The following RPS7 variants were observed in gnomAD, a reference collection of about 807,000 sequenced individuals.
RPS7 encodes ribosomal protein S7.
Under a neutral mutation model 22.1 loss-of-function variants are expected in RPS7, and 1 was observed. The observed-to-expected ratio is 0.05, with a 90% confidence interval of 0.02 to 0.21. RPS7 has a LOEUF of 0.21. Among genes scored for constraint, RPS7 ranks in the 10% least tolerant of loss-of-function variants. The pLI, the probability that RPS7 is intolerant of heterozygous loss-of-function variation, is 1.00. For missense variants in RPS7, 137 were observed against 246.4 expected (o/e 0.56, Z 2.97); for synonymous variants, 80 against 92.0 (o/e 0.87, Z 0.74).
chr2:3,579,147 A>G (rs1188072242), intron 5 of RPS7: 1 of 152,264 alleles, frequency 6.6e-6, no homozygotes, highest in African/African-American at 2.4e-5. Context: ...AAAAGATTGT[A>G]GATGACATTG....
chr2:3,577,932 C>T, intron 5 of RPS7, 158 bp downstream of exon 5: 2 of 628,990 alleles, frequency 3.2e-6, no homozygotes, highest in Non-Finnish European at 2.9e-6. Context: ...TTTTAGAATT[C>T]TAGATGTAAA....
At position 3,580,789 on chromosome 2, in the gene RPS7, C is replaced by G. The variant is rs539208774; in HGVS notation, c.508-16C>G. ...GTATTTCAAAGTTCTGTGATGAATT[C>G]TTTCTTTTCTTGTAGGTTGAAACTT... On this transcript the variant is annotated splice_polypyrimidine_tract_variant and intron_variant, in intron 6 of 6. Transcript: ENST00000645674. 6.6e-7 allele frequency: 1 copy of G among 1,516,918 alleles called. No homozygotes were observed. The highest frequency in any genetic ancestry group is 1.1e-5 in the South Asian group (1 of 89,098). The allele number at this position is 1,516,918 out of a possible 1,614,324, so 94.0% of individuals were successfully genotyped here.
intron 6 of RPS7, chr2:3,580,485 C>T (rs1256202248): frequency 1.5e-6 from 1 of 651,006 alleles, no homozygotes; most frequent in Non-Finnish European, 2.8e-6. Flanking sequence ...GAAGTAGACT[C>T]TTTCTGTGGT....
rs943927262 is a variant in RPS7, at chr2:3,575,354, G to C, written c.-19+4G>C. ...TCCTAAGCCGGCGCTCGGCAAGGTA[G>C]GTTGGCGGCCTGCTCTCCGACAGAA... On this transcript the variant is annotated splice_donor_region_variant and intron_variant, in intron 1 of 6. Coordinates refer to ENST00000645674, the MANE Select transcript of RPS7 (RefSeq NM_001011.4). 9.2e-6 allele frequency: 5 copies of C among 544,700 alleles called. No homozygotes were observed. Among genetic ancestry groups the C allele is most frequent in the Non-Finnish European group, 1.6e-5 (5 of 308,062 alleles). The allele number at this position is 544,700 out of a possible 1,614,324, so 33.7% of individuals were successfully genotyped here.
At position 3,576,332 on chromosome 2, in the gene RPS7, C is replaced by T. The variant is rs564734729; in HGVS notation, c.148-155C>T. ...TGTGAAGGTTGGAGAGAGATGAGAA[C>T]ATTTCCGAAGGATGCATTTATGATT... On this transcript the variant is annotated intron_variant, in intron 3 of 6. Coordinates refer to ENST00000645674, the MANE Select transcript of RPS7 (RefSeq NM_001011.4). 5.4e-5 allele frequency: 41 copies of T among 754,780 alleles called. No individual in the cohort carries two copies. The East Asian group carries it at 9.8e-4, about 18-fold the overall frequency. The allele number at this position is 754,780 out of a possible 1,614,324, so 46.8% of individuals were successfully genotyped here.
intron 1 of RPS7, 91 bp from the exon 2 acceptor site, chr2:3,575,501 C>T: frequency 1.2e-6 from 1 of 815,878 alleles, no homozygotes; most frequent in Non-Finnish European, 2.0e-6. Flanking sequence ...TTCTGCGGGG[C>T]GAGCGGGGCC....
At chr2:3,576,225 C>T (rs1035355203) in intron 3 of RPS7, 2 of 595,834 alleles carry the variant, frequency 3.4e-6, no homozygotes, top group Admixed American at 2.9e-5. Context: ...ACCCTTAGCC[C>T]GGAGTTGCCG....
At chr2:3,577,610 C>G (rs1239327820) in intron 4 of RPS7, 100 bp from the exon 5 acceptor site, 1 of 859,552 alleles carries the variant, frequency 1.2e-6, no homozygotes, top group Non-Finnish European at 2.0e-6. Flanking sequence ...TTGAACTTAC[C>G]CTGCCATTCT....
chr2:3,577,672 T>C (rs767858631), intron 4 of RPS7, 38 bp from the exon 5 acceptor site: 1 of 1,485,518 alleles, frequency 6.7e-7, no homozygotes, highest in Non-Finnish European at 9.4e-7. Context: ...ATTTAAAGTC[T>C]TTTTTCATTT....
chr2:3,576,952 A>T (rs561864956), intron 4 of RPS7: 1 of 370,726 alleles, frequency 2.7e-6, no homozygotes, highest in Non-Finnish European at 5.1e-6. Flanking sequence ...GTAAAGTGAC[A>T]GACTGCTGTG....
Position 3,577,772 on chromosome 2 carries a change from G to A in RPS7, c.354G>A (p.Arg118=), listed in dbSNP as rs1224250484. The A allele has an allele frequency of 6.2e-7, 1 of 1,607,228 alleles. No individual in the cohort carries two copies. Among genetic ancestry groups the A allele is most frequent in the Admixed American group, 1.7e-5 (1 of 59,964 alleles). The change falls in exon 5 of 7, where the codon AGG becomes AGA. Residue 118 remains arginine (R), a splice_region_variant and synonymous_variant. Transcript: ENST00000645674. ...SRTKNKQKRP[R]SRTLTAVHDA... ...CAAAAAATAAGCAAAAGCGTCCCAG[G>A]AGGTGAGTATTTTAGTAGTTTCAGA...
At chr2:3,577,086 A>C (rs891570644) in intron 4 of RPS7, 71 of 226,504 alleles carry the variant, frequency 3.1e-4, no homozygotes, top group Non-Finnish European at 4.5e-4. Flanking sequence ...CTGTAATCCC[A>C]GCACTTTGGG....
In RPS7 at chr2:3,575,901, T is replaced by C. The variant is rs965414893; in HGVS notation, c.147+13T>C. ...TACGGCAGCTAAGGTAAGCTGGCGC[T>C]CCCTCGGCTGGGAGGGAGGTTGCGG... is the stretch of plus-strand genomic sequence containing the variant. On this transcript the variant is annotated intron_variant, in intron 3 of 6. Transcript: ENST00000645674. 6.3e-7 allele frequency: 1 copy of C among 1,590,806 alleles called. No individual in the cohort carries two copies. The highest frequency in any genetic ancestry group is 8.6e-7 in the Non-Finnish European group (1 of 1,164,266).
intron 5 of RPS7, chr2:3,579,758 G>A: frequency 5.4e-6 from 2 of 369,430 alleles, no homozygotes; most frequent in South Asian, 5.1e-5. Context: ...GGTTATTGTA[G>A]TGATTTAGTT....
rs1412872587 is a variant in RPS7, at chr2:3,576,095, A to G, written c.147+207A>G. On this transcript the variant is annotated intron_variant, in intron 3 of 6. Transcript: ENST00000645674. ...GTACCCTGCGGCTTAAGCTGTCCAC[A>G]TGCGGGCGGTGGAGAAACGTGGAGT... 8 of 620,730 alleles carry G rather than the reference A, an allele frequency of 1.3e-5. No individual in the cohort carries two copies. In the East Asian group the frequency reaches 1.7e-4, roughly 13 times the overall value. The allele number at this position is 620,730 out of a possible 1,614,324, so 38.5% of individuals were successfully genotyped here.
chr2:3,577,382 A>T (rs1206098153), intron 4 of RPS7: 1 of 299,986 alleles, frequency 3.3e-6, no homozygotes, highest in Admixed American at 4.8e-5. Flanking sequence ...ATTGGTGCAA[A>T]CTGAAGTCTA....
chr2:3,576,431 CACA>C, intron 3 of RPS7, 53 bp from the exon 4 acceptor site: 2 of 1,516,592 alleles, frequency 1.3e-6, no homozygotes, highest in Admixed American at 1.7e-5. Flanking sequence ...CTAATTTGAC[CACA>C]ACGTTTACTT....
chr2:3,575,319 T>G lies in RPS7; in HGVS notation c.-50T>G. The G allele has an allele frequency of 4.1e-6, 2 of 482,540 alleles. No individual in the cohort carries two copies. The highest frequency in any genetic ancestry group is 2.3e-5 in the South Asian group (1 of 42,864). The allele number at this position is 482,540 out of a possible 1,614,324, so 29.9% of individuals were successfully genotyped here. ...GGATTTTGACGTGCTCTCGCGAGAT[T>G]TGGGTCTCTTCCTAAGCCGGCGCTC... On this transcript the variant is annotated 5_prime_UTR_variant, in exon 1 of 7. The change creates a new upstream start codon in the 5' untranslated region. Transcript: ENST00000645674.
intron 4 of RPS7, chr2:3,577,325 G>A (rs1051423875): frequency 8.6e-5 from 18 of 209,350 alleles, no homozygotes; most frequent in Non-Finnish European, 1.5e-4. Flanking sequence ...GACAGAGCGA[G>A]ACTCCATCTC....
Sources: allele counts gnomAD v4.1 joint callset, GRCh38; gene constraint gnomAD v4.1.1; transcripts MANE v1.5; gene names NCBI Gene and HGNC (gene_info 2026-07-23, HGNC 2026-07-21).